The following LRRD1 variants were observed in gnomAD, a reference collection of about 807,000 sequenced individuals.
LRRD1 encodes leucine rich repeats and death domain containing 1.
In LRRD1, 49 loss-of-function variants were observed where a neutral mutation model predicts 69.5. That is an observed-to-expected ratio of 0.70 (90% CI 0.56 to 0.89). The LOEUF (loss-of-function observed/expected upper bound fraction) is 0.89. Ranked by LOEUF, LRRD1 falls within the 40% of genes least tolerant of loss-of-function variation. LRRD1 has a pLI of 0.00. For missense variants in LRRD1, 853 were observed against 956.0 expected, an observed-to-expected ratio of 0.89 and a Z score of 1.42; for synonymous variants, 303 against 338.9, an observed-to-expected ratio of 0.89 and a Z score of 1.16.
chr7:92,151,769 C>A (rs191605064), intron 3 of LRRD1, among the ~76,000 whole-genome samples: 2,483 of 151,936 alleles, frequency 0.016, 60 homozygotes, highest in African/African-American at 0.057. Context: ...GCCAACATGG[C>A]AAAACCCCAT....
chr7:92,142,221 C>T (rs961597194), downstream of LRRD1: 1 of 311,108 alleles, frequency 3.2e-6, no homozygotes, highest in Non-Finnish European at 6.3e-6. Context: ...GGATTACAGG[C>T]ATGAGCCACC....
intron 1 of LRRD1, among the ~76,000 whole-genome samples, chr7:92,168,861 T>A (rs1294228349): frequency 1.3e-5 from 2 of 152,182 alleles, no homozygotes; most frequent in Non-Finnish European, 2.9e-5. Flanking sequence ...AATCAGTGGA[T>A]GACCCCAACA....
intron 4 of LRRD1, among the ~76,000 whole-genome samples, chr7:92,147,363 G>C (rs1820354432): frequency 6.6e-6 from 1 of 152,012 alleles, no homozygotes; most frequent in Admixed American, 6.6e-5. Flanking sequence ...TCACCACACT[G>C]GGCCTATTTA....
rs910054049 is a variant in LRRD1 at position 92,165,815 on chromosome 7, T to G, written c.-74-539A>C. Among the ~76,000 whole-genome samples the G allele has an allele frequency of 5.7e-5, 8 of 140,676 alleles. No homozygotes were observed. In the South Asian group the frequency reaches 1.8e-3, roughly 32 times the overall value. 92.3% of individuals were successfully genotyped at this position (140,676 alleles called of 152,430 possible). A position where few individuals can be genotyped will look rare whatever the true frequency, so the allele number is the denominator to read the frequency against. On this transcript the variant is annotated intron_variant, in intron 1 of 5. Coordinates refer to ENST00000458448, the MANE Select transcript of LRRD1 (RefSeq NM_001161528.2). ...GGCAGAGGTTGCAGTGAGCCGAGAT[T>G]GCACCATTGCACTCCAGCCTGGGCA...
In LRRD1 at chr7:92,167,902, AAAAAAAT is replaced by A. The variant is rs1284273387; in HGVS notation, c.-74-2633_-74-2627del. On this transcript the variant is annotated intron_variant, in intron 1 of 5. Coordinates refer to ENST00000458448, the MANE Select transcript of LRRD1 (RefSeq NM_001161528.2). The stretch of plus-strand genomic sequence containing the variant: ...AAAAAAAAAAAAAAAAAAAAAAAAA[AAAAAAAT>A]AAGTTATTCTGCTCTAAGATTCTGT... Among the ~76,000 whole-genome samples, 546 of 144,614 alleles carry A rather than the reference AAAAAAAT, an allele frequency of 3.8e-3. 20 individuals are homozygous for A. Among genetic ancestry groups the A allele is most frequent in the African/African-American group, 0.014 (518 of 36,856 alleles). The allele number at this position is 144,614 out of a possible 152,430, so 94.9% of individuals were successfully genotyped here.
intron 1 of LRRD1, among the ~76,000 whole-genome samples, chr7:92,175,987 T>C (rs1789188105): frequency 6.6e-6 from 1 of 152,248 alleles, no homozygotes; most frequent in Non-Finnish European, 1.5e-5. Context: ...GTTTTAATGA[T>C]TATAACTTTG....
At chr7:92,146,487 T>C (rs989561066) in intron 4 of LRRD1, among the ~76,000 whole-genome samples, 8 of 151,748 alleles carry the variant, frequency 5.3e-5, no homozygotes, top group Admixed American at 6.6e-5. Flanking sequence ...CATGGTTGTG[T>C]GTTCCTGTAG....
intron 4 of LRRD1, 86 bp downstream of exon 4, chr7:92,150,448 G>A: frequency 1.7e-6 from 2 of 1,201,766 alleles, no homozygotes; most frequent in Non-Finnish European, 2.2e-6. Flanking sequence ...CTGGGTGTCA[G>A]AGTGAGACCC....
chr7:92,163,763 T>G lies in LRRD1; in HGVS notation c.1440A>C (p.Pro480=), dbSNP rs1451420691. Residue 480 remains proline (P), a synonymous_variant, in exon 2 of 6, where the codon CCA becomes CCC. Coordinates refer to ENST00000458448, the MANE Select transcript of LRRD1 (RefSeq NM_001161528.2). The stretch of plus-strand genomic sequence containing the variant: ...GAGAATCTAAAGCACACAGTCCCAA[T>G]GGAAAATACATTATTTTGTTATAAC... ...ELSYNKIMYF[P]LGLCALDSLY... 10 of 1,509,050 alleles carry G rather than the reference T, an allele frequency of 6.6e-6. No homozygotes were observed. The Admixed American group carries it at 2.6e-4, about 39-fold the overall frequency. 93.5% of individuals were successfully genotyped at this position (1,509,050 alleles called of 1,614,324 possible).
downstream of LRRD1, among the ~76,000 whole-genome samples, chr7:92,143,435 G>A (rs964193953): frequency 6.6e-6 from 1 of 152,188 alleles, no homozygotes; most frequent in South Asian, 2.1e-4. Context: ...CACTCGTCGG[G>A]GAGGCTCTGG....
In LRRD1 at chr7:92,169,581, C is replaced by A. The variant is rs190885894; in HGVS notation, c.-74-4305G>T. On this transcript the variant is annotated intron_variant, in intron 1 of 5. Transcript: ENST00000458448. ...CAGATAACTGCTTAAACCCAAGAGG[C>A]AGAGGTTGTAGTGAGCTGAGGTTAC... 9.2e-5 allele frequency among the ~76,000 whole-genome samples: 14 copies of A among 151,696 alleles called. No homozygotes were observed. In the East Asian group the frequency reaches 2.6e-3, roughly 28 times the overall value.
chr7:92,155,087 C>A (rs1490076602), intron 3 of LRRD1, among the ~76,000 whole-genome samples: 2 of 152,202 alleles, frequency 1.3e-5, no homozygotes, highest in East Asian at 3.8e-4. Flanking sequence ...GCAACCTCAT[C>A]ATATGATTCT....
chr7:92,143,367 C>G (rs1204807921), downstream of LRRD1, among the ~76,000 whole-genome samples: 1 of 152,132 alleles, frequency 6.6e-6, no homozygotes, highest in Non-Finnish European at 1.5e-5. Context: ...CACCGTGTGC[C>G]CGCACTCCTC....
intron 3 of LRRD1, among the ~76,000 whole-genome samples, chr7:92,152,150 T>TGTGTGTGTGTGC (rs1299234023): frequency 2.0e-5 from 3 of 149,372 alleles, no homozygotes; most frequent in African/African-American, 7.4e-5. Context: ...AGTGTGTGTG[T>TGTGTGTGTGTGC]GTGTGTGTGT....
chr7:92,174,503 A>T lies in LRRD1; in HGVS notation c.-75+4504T>A, dbSNP rs1219813917. 6.1e-3 allele frequency among the ~76,000 whole-genome samples: 123 copies of T among 20,092 alleles called. 4 individuals are homozygous for T. Among genetic ancestry groups the T allele is most frequent in the African/African-American group, 0.016 (72 of 4,606 alleles). The allele number at this position is 20,092 out of a possible 152,430, so 13.2% of individuals were successfully genotyped here. A position where few individuals can be genotyped will look rare whatever the true frequency, so the allele number is the denominator to read the frequency against. Reference sequence around the variant, plus strand: ...TATATATATATATATATATATATATATATATATTTTTTTTTTTTTTTTTTT... The same window carrying T: ...TATATATATATATATATATATATATTTATATATTTTTTTTTTTTTTTTTTT... On this transcript the variant is annotated intron_variant, in intron 1 of 5. Transcript: ENST00000458448.
At chr7:92,158,491 T>G (rs1244860660) in intron 3 of LRRD1, among the ~76,000 whole-genome samples, 1 of 152,120 alleles carries the variant, frequency 6.6e-6, no homozygotes, top group Non-Finnish European at 1.5e-5. Context: ...CAGTATTTGT[T>G]GTACTTTGGG....
At chr7:92,174,509 A>ATATAT (rs1563195877) in intron 1 of LRRD1, among the ~76,000 whole-genome samples, 8 of 12,864 alleles carry the variant, frequency 6.2e-4, no homozygotes, top group African/African-American at 8.7e-4. Context: ...ATATATATAT[A>ATATAT]TTTTTTTTTT....
chr7:92,151,713 C>T (rs1409319227), intron 3 of LRRD1, among the ~76,000 whole-genome samples: 1 of 152,174 alleles, frequency 6.6e-6, no homozygotes, highest in East Asian at 1.9e-4. Context: ...CTTTGGGAGG[C>T]CGAGGTGGGT....
intron 1 of LRRD1, among the ~76,000 whole-genome samples, chr7:92,174,897 A>C (rs1223615442): frequency 6.6e-6 from 1 of 151,772 alleles, no homozygotes; most frequent in Non-Finnish European, 1.5e-5. Context: ...CCCCGTCTCT[A>C]CTAAAAATAA....
Sources: gnomAD v4.1 joint callset for allele counts (sites outside exome capture counted in the v4.1 genomes callset) on GRCh38, gnomAD v4.1.1 for gene constraint, MANE v1.5 for transcripts, NCBI Gene and HGNC (gene_info 2026-07-23, HGNC 2026-07-21) for gene names.